The following NRXN2 variants were observed in gnomAD, a reference collection of about 807,000 sequenced individuals.
NRXN2 encodes neurexin-2-beta.
A neutral mutation model predicts 128.8 loss-of-function variants in NRXN2; 29 were observed. The ratio of observed to expected loss-of-function variants is 0.23; its 90% confidence interval spans 0.17 to 0.31. NRXN2 has a LOEUF of 0.31. NRXN2 is among the 10% of genes least tolerant of loss of function. The probability of loss-of-function intolerance (pLI) is 1.00; values close to 1 mark genes in which losing one functional copy is unlikely to be tolerated. For missense variants in NRXN2, 1,881 were observed against 2,452.6 expected (o/e 0.77, Z 4.92); for synonymous variants, 1,098 against 1,075.2 (o/e 1.02, Z -0.41).
Position 64,648,445 on chromosome 11 carries a change from T to G in NRXN2, c.3284-107A>C. ...GGCAGAGAGGTCCTACTCTGAGCTC[T>G]GCCTGGCTGAAAGGGCCAAGTACTG... On this transcript the variant is annotated intron_variant, in intron 16 of 22. Transcript: ENST00000265459. This position sits in a 1 kb window ranked among gnomAD's most constrained non-coding sequence, Gnocchi z 4.1. 1 of 1,564,530 alleles carries G rather than the reference T, an allele frequency of 6.4e-7. No individual in the cohort carries two copies. Among genetic ancestry groups the G allele is most frequent in the Non-Finnish European group, 8.8e-7 (1 of 1,142,012 alleles).
At position 64,630,275 on chromosome 11, in the gene NRXN2, G is replaced by T; in HGVS notation, c.3757+127C>A. ...CCTCGCAAGCTTCGTCTCTCCAGTA[G>T]CCCCGCCCCAGAGCCGCTTAGCCCC... On this transcript the variant is annotated intron_variant, in intron 19 of 22. Coordinates refer to ENST00000265459, the MANE Select transcript of NRXN2 (RefSeq NM_015080.4). The surrounding 1 kb of genome is among the most constrained non-coding windows in gnomAD (Gnocchi z 4.6). 2.3e-6 allele frequency: 2 copies of T among 864,794 alleles called. No individual in the cohort carries two copies. Among genetic ancestry groups the T allele is most frequent in the Non-Finnish European group, 3.4e-6 (2 of 585,926 alleles). The allele number at this position is 864,794 out of a possible 1,614,324, so 53.6% of individuals were successfully genotyped here.
chr11:64,711,403 C>T (rs1171632531), intron 2 of NRXN2, among the ~76,000 whole-genome samples: 1 of 152,162 alleles, frequency 6.6e-6, no homozygotes, highest in Non-Finnish European at 1.5e-5. Flanking sequence ...CATGCGCCGC[C>T]CCCAGACCGA....
chr11:64,697,683 A>C (rs1487291887), intron 3 of NRXN2, 92 bp downstream of exon 3: 1 of 1,476,214 alleles, frequency 6.8e-7, no homozygotes, highest in East Asian at 2.3e-5. Flanking sequence ...CATGGCAGGA[A>C]AGGGAGTCCT....
Position 64,622,852 on chromosome 11 carries a change from C to T in NRXN2, c.4074G>A (p.Leu1358=). The T allele has an allele frequency of 1.9e-6, 3 of 1,612,730 alleles. 1 individual carries two copies. Among genetic ancestry groups the T allele is most frequent in the South Asian group, 2.2e-5 (2 of 91,040 alleles). Residue 1358 remains leucine (L), a synonymous_variant, in exon 21 of 23, where the codon CTG becomes CTA. Transcript: ENST00000265459. This position sits in a 1 kb window ranked among gnomAD's most constrained non-coding sequence, Gnocchi z 4.3. The stretch of plus-strand genomic sequence containing the variant: ...CCATGATGGTGGTGGCCATGTCAGC[C>T]AGCAGGGTGGTGGCCGTGGTCTCCG... The part of the protein sequence containing the change: ...LSAETTATTL[L]ADMATTIMET...
chr11:64,690,445 G>A lies in NRXN2; in HGVS notation c.810C>T (p.Ala270=), dbSNP rs763222415. 23 of 1,613,362 alleles carry A rather than the reference G, an allele frequency of 1.4e-5. No individual in the cohort carries two copies. The highest frequency in any genetic ancestry group is 6.7e-5 in the East Asian group (3 of 44,872). ...VGSLLFSEGG[A]GRGGAGDVHQ... is the part of the protein sequence containing the mutation. ...GCACATCGCCGGCTCCTCCTCTCCC[G>A]GCCCCCCCCTCGGAGAACAGTAAGG... Residue 270 remains alanine (A), a synonymous_variant, in exon 5 of 23, where the codon GCC becomes GCT. Coordinates refer to ENST00000265459, the MANE Select transcript of NRXN2 (RefSeq NM_015080.4).
intron 7 of NRXN2, among the ~76,000 whole-genome samples, chr11:64,669,663 A>G (rs957100413): frequency 1.3e-5 from 2 of 152,130 alleles, no homozygotes; most frequent in African/African-American, 2.4e-5. Context: ...TCCCCAGGCA[A>G]ATGCCCACCT....
At chr11:64,678,106 T>C (rs1160206004) in intron 6 of NRXN2, among the ~76,000 whole-genome samples, 1 of 152,078 alleles carries the variant, frequency 6.6e-6, no homozygotes, top group Non-Finnish European at 1.5e-5. Context: ...TTTTTGTTTT[T>C]GTTTTTGTTT....
intron 18 of NRXN2, among the ~76,000 whole-genome samples, chr11:64,634,999 G>T (rs562516074): frequency 2.0e-5 from 3 of 152,316 alleles, no homozygotes; most frequent in African/African-American, 4.8e-5. Context: ...TTTTAGGAAG[G>T]TCAGAAAACA....
chr11:64,676,047 C>T (rs1402715447), intron 7 of NRXN2: 2 of 152,716 alleles, frequency 1.3e-5, no homozygotes, highest in Non-Finnish European at 2.9e-5. Context: ...CCCTTCCCAC[C>T]CCTGCAGGCC....
At chr11:64,626,825 G>A (rs998034623) in intron 19 of NRXN2, among the ~76,000 whole-genome samples, 1 of 152,202 alleles carries the variant, frequency 6.6e-6, no homozygotes, top group African/African-American at 2.4e-5. Context: ...AAAGGGAGCT[G>A]GAAGGTCAAA....
At position 64,696,905 on chromosome 11, in the gene NRXN2, G is replaced by A. The variant is rs114583785; in HGVS notation, c.748+870C>T. ...TTCTTCCTGCTCTCAGTCCATCCCAGAGGAGGAGAAGAAACAGGGAAAGCC... is the reference window on the plus strand; with the variant it reads ...TTCTTCCTGCTCTCAGTCCATCCCAAAGGAGGAGAAGAAACAGGGAAAGCC... On this transcript the variant is annotated intron_variant, in intron 3 of 22. Coordinates refer to ENST00000265459, the MANE Select transcript of NRXN2 (RefSeq NM_015080.4). 4.9e-3 allele frequency among the ~76,000 whole-genome samples: 752 copies of A among 152,292 alleles called. 2 individuals are homozygous for A. Among genetic ancestry groups the A allele is most frequent in the African/African-American group, 0.017 (721 of 41,558 alleles).
In NRXN2 at chr11:64,659,114, G is replaced by C. The variant is rs563223097; in HGVS notation, c.2389+1218C>G. Among the ~76,000 whole-genome samples the C allele has an allele frequency of 3.3e-5, 5 of 152,340 alleles. No homozygotes were observed. The East Asian group carries it at 7.7e-4, about 24-fold the overall frequency. On this transcript the variant is annotated intron_variant, in intron 11 of 22. Transcript: ENST00000265459. ...GAGCCCTGCTTCCCCTCTAGGTCCA[G>C]GATACAACAAGTGACCCTGATGACC...
chr11:64,639,021 CCCATG>C (rs2045263556), intron 17 of NRXN2, among the ~76,000 whole-genome samples: 1 of 152,230 alleles, frequency 6.6e-6, no homozygotes, highest in Non-Finnish European at 1.5e-5. Context: ...TAGAAAACCA[CCCATG>C]CAGTGATGCC....
At chr11:64,637,115 C>T (rs1044350223) in intron 17 of NRXN2, among the ~76,000 whole-genome samples, 2 of 151,896 alleles carry the variant, frequency 1.3e-5, no homozygotes, top group South Asian at 4.2e-4. Context: ...CCATCAACAC[C>T]TTCCATCCCC....
intron 2 of NRXN2, among the ~76,000 whole-genome samples, chr11:64,701,907 G>T (rs2055450268): frequency 6.9e-6 from 1 of 144,362 alleles, no homozygotes; most frequent in African/African-American, 2.6e-5. Flanking sequence ...GGAGGTGGGG[G>T]GGGTCAGCCC....
intron 5 of NRXN2, among the ~76,000 whole-genome samples, chr11:64,687,444 G>T (rs924614814): frequency 2.0e-5 from 3 of 152,222 alleles, no homozygotes; most frequent in African/African-American, 7.2e-5. Flanking sequence ...ACCAGCTGCT[G>T]CCCCAGAGCC....
At position 64,650,600 on chromosome 11, in the gene NRXN2, G is replaced by A; in HGVS notation, c.2957C>T (p.Ser986Phe). Residue 986 changes from serine to phenylalanine, a missense_variant, in exon 15 of 23, where the codon TCC (serine) becomes TTC (phenylalanine). Ser to Phe is a radical substitution (Grantham distance 155). This residue lies in a region of NRXN2 where 390 missense variants were observed against 599.6 expected (regional missense o/e 0.65). Coordinates refer to ENST00000265459, the MANE Select transcript of NRXN2 (RefSeq NM_015080.4). ...TTTGTCTGAGTTCCCCTTCATCAAG[G>A]ACGGGCCATTCCCCAGGTCAAACAC... The part of the protein sequence containing the change: ...HYVFDLGNGP[S>F]LMKGNSDKPV... The A allele has an allele frequency of 6.2e-7, 1 of 1,614,172 alleles. No individual in the cohort carries two copies. Among genetic ancestry groups the A allele is most frequent in the Non-Finnish European group, 8.5e-7 (1 of 1,180,050 alleles).
chr11:64,613,022 C>A (rs932987520), intron 22 of NRXN2, among the ~76,000 whole-genome samples: 6 of 152,238 alleles, frequency 3.9e-5, no homozygotes, highest in African/African-American at 1.4e-4. Context: ...CAGAGAGCAA[C>A]CTGTGCCACT....
chr11:64,693,230 T>C (rs1239245102), intron 3 of NRXN2, among the ~76,000 whole-genome samples: 4 of 150,544 alleles, frequency 2.7e-5, no homozygotes, highest in Non-Finnish European at 5.9e-5. Context: ...TTTTGGTTTC[T>C]TTTTTTCTTC....
Sources: allele counts gnomAD v4.1 joint callset (sites outside exome capture counted in the v4.1 genomes callset), GRCh38; gene constraint gnomAD v4.1.1; regional missense constraint gnomAD v4.1.1; non-coding constraint Gnocchi (gnomAD v3.1); transcripts MANE v1.5; gene names NCBI Gene and HGNC (gene_info 2026-07-23, HGNC 2026-07-21).